CAMTA1: variants seen among roughly 807,000 people sequenced by gnomAD.
The protein encoded by CAMTA1 is calmodulin binding transcription activator 1.
Under a neutral mutation model 170.9 loss-of-function variants are expected in CAMTA1, and 27 were observed. That is an observed-to-expected ratio of 0.16 (90% CI 0.12 to 0.22). The LOEUF (loss-of-function observed/expected upper bound fraction) is 0.22, where lower values mean the gene tolerates loss of function less well. CAMTA1 is among the 10% of genes least tolerant of loss of function. The pLI is 1.00. For synonymous variants in CAMTA1, 833 were observed against 891.5 expected (o/e 0.93, Z 1.17); for missense variants, 1,619 against 2,217.2 (o/e 0.73, Z 5.42).
At chr1:7,082,591 G>A (rs1326075626) in intron 3 of CAMTA1, among the ~76,000 whole-genome samples, 1 of 152,100 alleles carries the variant, frequency 6.6e-6, no homozygotes, top group African/African-American at 2.4e-5. Flanking sequence ...ACAGTTTGGT[G>A]CCTCCCCCTC....
intron 1 of CAMTA1, among the ~76,000 whole-genome samples, chr1:6,807,681 C>A (rs185851210): frequency 1.3e-4 from 20 of 149,062 alleles, no homozygotes; most frequent in African/African-American, 4.7e-4. Flanking sequence ...GATCGTGCCA[C>A]TGCACTTCAG....
At chr1:7,307,206 C>G (rs1391107489) in intron 5 of CAMTA1, among the ~76,000 whole-genome samples, 1 of 151,930 alleles carries the variant, frequency 6.6e-6, no homozygotes, top group African/African-American at 2.4e-5. Context: ...CATTTTTGAG[C>G]TATTTTAAAT....
rs942061130 is a variant in CAMTA1, at chr1:7,251,133, G to A, written c.438+1507G>A. Among the ~76,000 whole-genome samples, 8 of 152,272 alleles carry A rather than the reference G, an allele frequency of 5.3e-5. No homozygotes were observed. The highest frequency in any genetic ancestry group is 1.9e-4 in the East Asian group (1 of 5,184). ...GGAAGTCACGGCAGCTCCTGTGCCC[G>A]TAGGCCCCTGGTATATTTCATCTTT... On this transcript the variant is annotated intron_variant, in intron 5 of 22. Coordinates refer to ENST00000303635, the MANE Select transcript of CAMTA1 (RefSeq NM_015215.4). The surrounding 1 kb of genome is among the most constrained non-coding windows in gnomAD (Gnocchi z 5.1).
chr1:7,071,986 G>C (rs749388978), intron 3 of CAMTA1, among the ~76,000 whole-genome samples: 14 of 152,176 alleles, frequency 9.2e-5, no homozygotes, highest in Non-Finnish European at 1.5e-4. Context: ...GACTCGTACT[G>C]GCTTTTCTGC....
At chr1:7,589,542 G>T (rs978537059) in intron 6 of CAMTA1, among the ~76,000 whole-genome samples, 6 of 152,190 alleles carry the variant, frequency 3.9e-5, no homozygotes, top group Admixed American at 2.6e-4. Flanking sequence ...CCGTCATTCT[G>T]TGCAGGCCTG....
intron 4 of CAMTA1, chr1:7,142,002 C>T: frequency 2.1e-6 from 1 of 465,346 alleles, no homozygotes. Context: ...CTGCTTTTTT[C>T]CTGATGTCTT....
intron 5 of CAMTA1, among the ~76,000 whole-genome samples, chr1:7,267,593 C>T (rs994135593): frequency 6.6e-6 from 1 of 152,204 alleles, no homozygotes; most frequent in African/African-American, 2.4e-5. Context: ...GACCTACCAG[C>T]AGGCCAAGGG....
chr1:7,230,433 C>CCA (rs1662535560), intron 4 of CAMTA1, among the ~76,000 whole-genome samples: 1 of 46,970 alleles, frequency 2.1e-5, no homozygotes, highest in East Asian at 6.3e-4. Context: ...TCTGGGCTGA[C>CCA]CCCCCCCCCC....
intron 3 of CAMTA1, among the ~76,000 whole-genome samples, chr1:6,835,974 C>T (rs1173945206): frequency 6.6e-6 from 1 of 152,098 alleles, no homozygotes; most frequent in African/African-American, 2.4e-5. Context: ...CTCCCCACTC[C>T]TTCTTCATAT....
At chr1:6,955,480 T>C (rs1416594399) in intron 3 of CAMTA1, among the ~76,000 whole-genome samples, 1 of 152,180 alleles carries the variant, frequency 6.6e-6, no homozygotes, top group Non-Finnish European at 1.5e-5. Flanking sequence ...GACTCAGATC[T>C]GGGTGGAGTC....
In CAMTA1 at chr1:7,251,492, G is replaced by T. The variant is rs1312081189; in HGVS notation, c.438+1866G>T. Among the ~76,000 whole-genome samples the T allele has an allele frequency of 6.6e-6, 1 of 152,122 alleles. No homozygotes were observed. Among genetic ancestry groups the T allele is most frequent in the African/African-American group, 2.4e-5 (1 of 41,410 alleles). ...GGGCAGCGGGAAGAGCCGGTGACAC[G>T]ATGCTTGCTTTGGGTTCTCAGAGAG... is the stretch of plus-strand genomic sequence containing the variant. On this transcript the variant is annotated intron_variant, in intron 5 of 22. Coordinates refer to ENST00000303635, the MANE Select transcript of CAMTA1 (RefSeq NM_015215.4). This position sits in a 1 kb window ranked among gnomAD's most constrained non-coding sequence, Gnocchi z 5.1.
At chr1:6,958,472 CA>C (rs1689845306) in intron 3 of CAMTA1, among the ~76,000 whole-genome samples, 1 of 152,170 alleles carries the variant, frequency 6.6e-6, no homozygotes, top group Non-Finnish European at 1.5e-5. Flanking sequence ...GATGAATTTC[CA>C]GGCATCTCCC....
chr1:6,950,365 G>A (rs1239073735), intron 3 of CAMTA1, among the ~76,000 whole-genome samples: 1 of 152,200 alleles, frequency 6.6e-6, no homozygotes, highest in Non-Finnish European at 1.5e-5. Context: ...GACAGTGAGA[G>A]TATTCCCTTG....
chr1:7,194,401 AAACT>A (rs1655125944), intron 4 of CAMTA1, among the ~76,000 whole-genome samples: 1 of 152,210 alleles, frequency 6.6e-6, no homozygotes. Flanking sequence ...TGAATATAAT[AAACT>A]ATATTTAAAT....
intron 4 of CAMTA1, among the ~76,000 whole-genome samples, chr1:7,118,823 G>A (rs1460870018): frequency 1.3e-5 from 2 of 152,202 alleles, no homozygotes; most frequent in Non-Finnish European, 2.9e-5. Context: ...GACCTTGATG[G>A]AAGGGAGGGA....
intron 3 of CAMTA1, among the ~76,000 whole-genome samples, chr1:6,951,095 G>T (rs1199701086): frequency 1.3e-5 from 2 of 152,184 alleles, no homozygotes; most frequent in African/African-American, 4.8e-5. Context: ...GCTGATTTGG[G>T]GTCAAGAATC....
At chr1:7,139,668 T>G (rs564894808) in intron 4 of CAMTA1, among the ~76,000 whole-genome samples, 1 of 152,322 alleles carries the variant, frequency 6.6e-6, no homozygotes, top group Non-Finnish European at 1.5e-5. Context: ...GATGACATAT[T>G]CCTTGGCGAC....
At chr1:7,499,402 CAT>C (rs1491089043) in intron 6 of CAMTA1, among the ~76,000 whole-genome samples, 1 of 83,260 alleles carries the variant, frequency 1.2e-5, no homozygotes, top group Non-Finnish European at 2.3e-5. Flanking sequence ...CATGTGTGTA[CAT>C]GAGTGTGTAG....
intron 6 of CAMTA1, among the ~76,000 whole-genome samples, chr1:7,528,487 C>T (rs2094454913): frequency 6.6e-6 from 1 of 152,054 alleles, no homozygotes; most frequent in African/African-American, 2.4e-5. Flanking sequence ...TAGAGGGCCC[C>T]GGAGATCTGG....
Sources: allele counts gnomAD v4.1 joint callset (sites outside exome capture counted in the v4.1 genomes callset), GRCh38; gene constraint gnomAD v4.1.1; non-coding constraint Gnocchi (gnomAD v3.1); transcripts MANE v1.5; gene names NCBI Gene and HGNC (gene_info 2026-07-23, HGNC 2026-07-21).